VTCN1: variants seen among roughly 807,000 people sequenced by gnomAD.
VTCN1 encodes V-set domain-containing T-cell activation inhibitor 1.
In VTCN1, 26 loss-of-function variants were observed where a neutral mutation model predicts 26.5. The observed-to-expected ratio is 0.98, with a 90% CI of 0.72 to 1.36. The LOEUF (loss-of-function observed/expected upper bound fraction) is 1.36, where lower values mean the gene tolerates loss of function less well. VTCN1 is among the 40% of genes most tolerant of loss of function. The probability of loss-of-function intolerance (pLI) is 0.00; values close to 1 mark genes in which losing one functional copy is unlikely to be tolerated. For missense variants in VTCN1, 298 were observed against 337.7 expected (o/e 0.88, Z 0.92); for synonymous variants, 116 against 130.7 (o/e 0.89, Z 0.77).
chr1:117,196,887 AG>A (rs748240305), intron 1 of VTCN1, among the ~76,000 whole-genome samples: 2 of 152,208 alleles, frequency 1.3e-5, no homozygotes, highest in Non-Finnish European at 2.9e-5. Flanking sequence ...AGAGAGCTCA[AG>A]CCAGCAGCAC....
At position 117,183,191 on chromosome 1, in the gene VTCN1, T is replaced by C. The variant is rs1478618687; in HGVS notation, c.33-13020A>G. Among the ~76,000 whole-genome samples, 1 of 152,190 alleles carries C rather than the reference T, an allele frequency of 6.6e-6. No homozygotes were observed. The highest frequency in any genetic ancestry group is 2.4e-5 in the African/African-American group (1 of 41,448). Reference sequence around the variant, plus strand: ...ACACTCCATCCATTCTAAACCACTCTGGGTCCCTGACTACGCCAGGCTGCT... The same window carrying C: ...ACACTCCATCCATTCTAAACCACTCCGGGTCCCTGACTACGCCAGGCTGCT... On this transcript the variant is annotated intron_variant, in intron 1 of 5. Coordinates refer to ENST00000369458, the MANE Select transcript of VTCN1 (RefSeq NM_024626.4). The surrounding 1 kb of genome is among the most constrained non-coding windows in gnomAD (Gnocchi z 4.1).
Position 117,169,041 on chromosome 1 carries a change from G to T in VTCN1, c.97+1066C>A, listed in dbSNP as rs144418529. On this transcript the variant is annotated intron_variant, in intron 2 of 5. Coordinates refer to ENST00000369458, the MANE Select transcript of VTCN1 (RefSeq NM_024626.4). This position sits in a 1 kb window ranked among gnomAD's most constrained non-coding sequence, Gnocchi z 4.0. Reference sequence around the variant, plus strand: ...TACACTGGAGAAGCATGGCAGAAAGGCCACTGGAATATAGAAAATAAAGTT... The same window carrying T: ...TACACTGGAGAAGCATGGCAGAAAGTCCACTGGAATATAGAAAATAAAGTT... Among the ~76,000 whole-genome samples, 1 of 152,326 alleles carries T rather than the reference G, an allele frequency of 6.6e-6. No individual in the cohort carries two copies. Among genetic ancestry groups the T allele is most frequent in the East Asian group, 1.9e-4 (1 of 5,182 alleles).
In VTCN1 at chr1:117,194,073, G is replaced by A. The variant is rs187118443; in HGVS notation, c.32+16751C>T. On this transcript the variant is annotated intron_variant, in intron 1 of 5. Coordinates refer to ENST00000369458, the MANE Select transcript of VTCN1 (RefSeq NM_024626.4). The stretch of plus-strand genomic sequence containing the variant: ...CAGCGAAGAAAACAATCAACAAAAT[G>A]AACAGGCAACCTAAAGAATAGAAGA... Among the ~76,000 whole-genome samples, 575 of 152,184 alleles carry A rather than the reference G, an allele frequency of 3.8e-3. 1 individual carries two copies. The highest frequency in any genetic ancestry group is 6.9e-3 in the Non-Finnish European group (471 of 67,992).
At chr1:117,166,803 T>C (rs1652636381) in intron 2 of VTCN1, among the ~76,000 whole-genome samples, 1 of 151,554 alleles carries the variant, frequency 6.6e-6, no homozygotes, top group Non-Finnish European at 1.5e-5. Flanking sequence ...AAAGAATATA[T>C]ATGTAAATCA....
chr1:117,144,113 CT>C lies in VTCN1; in HGVS notation c.*1157del, dbSNP rs1001751017. 6.6e-6 allele frequency: 1 copy of C among 152,226 alleles called. No homozygotes were observed. Among genetic ancestry groups the C allele is most frequent in the African/African-American group, 2.4e-5 (1 of 41,448 alleles). The allele number at this position is 152,226 out of a possible 1,614,324, so 9.4% of individuals were successfully genotyped here. A position where few individuals can be genotyped will look rare whatever the true frequency, so the allele number is the denominator to read the frequency against. The stretch of plus-strand genomic sequence containing the variant: ...AGGCAGCAGCCAAAGAGACAGAATG[CT>C]TATTTGCCAATGACTAATGTGAGGA... On this transcript the variant is annotated 3_prime_UTR_variant, in exon 6 of 6. Transcript: ENST00000369458.
chr1:117,196,247 G>C (rs568479719), intron 1 of VTCN1, among the ~76,000 whole-genome samples: 24 of 152,118 alleles, frequency 1.6e-4, no homozygotes, highest in Non-Finnish European at 3.5e-4. Flanking sequence ...AGTGAATTAA[G>C]GTTCATCATT....
chr1:117,209,058 T>G (rs1649234154), intron 1 of VTCN1, among the ~76,000 whole-genome samples: 1 of 152,192 alleles, frequency 6.6e-6, no homozygotes, highest in African/African-American at 2.4e-5. Flanking sequence ...AGCTGCTCAT[T>G]GGCCCTCTTC....
At chr1:117,153,603 A>G (rs952199377) in intron 3 of VTCN1, among the ~76,000 whole-genome samples, 1 of 151,958 alleles carries the variant, frequency 6.6e-6, no homozygotes, top group African/African-American at 2.4e-5. Flanking sequence ...CCAATCACAA[A>G]CCCCAAGGAC....
At chr1:117,164,691 G>T (rs1433368608) in intron 2 of VTCN1, among the ~76,000 whole-genome samples, 1 of 152,202 alleles carries the variant, frequency 6.6e-6, no homozygotes, top group Non-Finnish European at 1.5e-5. Context: ...TAGTGTGAGC[G>T]CTGAGATTGG....
chr1:117,147,760 A>ACT lies in VTCN1; in HGVS notation c.745_746dup (p.Ser249ArgfsTer7). ...CCTTTGAGTTTAGCAGCTGTAGGTG[A>ACT]CTCCGCCTTTTGATCTCCGATTCTG... On this transcript the variant is annotated frameshift_variant, in exon 5 of 6. Coordinates refer to ENST00000369458, the MANE Select transcript of VTCN1 (RefSeq NM_024626.4). LOFTEE classifies it high-confidence loss of function. This position sits in a 1 kb window ranked among gnomAD's most constrained non-coding sequence, Gnocchi z 4.6. 6.2e-7 allele frequency: 1 copy of ACT among 1,613,590 alleles called. No homozygotes were observed. The highest frequency in any genetic ancestry group is 8.5e-7 in the Non-Finnish European group (1 of 1,179,842).
At chr1:117,209,339 A>G (rs2101615697) in intron 1 of VTCN1, among the ~76,000 whole-genome samples, 1 of 152,240 alleles carries the variant, frequency 6.6e-6, no homozygotes, top group Admixed American at 6.5e-5. Flanking sequence ...TTGTTGCAGG[A>G]GGAGTGTTTC....
At chr1:117,196,635 GGGC>G (rs1288214410) in intron 1 of VTCN1, among the ~76,000 whole-genome samples, 2 of 151,394 alleles carry the variant, frequency 1.3e-5, no homozygotes, top group Non-Finnish European at 2.9e-5. Flanking sequence ...TTTAGATGTT[GGGC>G]AAACAGGCAT....
chr1:117,187,253 G>A (rs1031406071), intron 1 of VTCN1, among the ~76,000 whole-genome samples: 1 of 136,522 alleles, frequency 7.3e-6, no homozygotes, highest in African/African-American at 2.7e-5. Context: ...AGAGGTTGCA[G>A]TGAGCTAGAT....
intron 1 of VTCN1, among the ~76,000 whole-genome samples, chr1:117,186,157 G>A (rs1647933189): frequency 6.6e-6 from 1 of 152,168 alleles, no homozygotes; most frequent in Non-Finnish European, 1.5e-5. Flanking sequence ...TTCAACAATG[G>A]TCATGAGAGC....
chr1:117,202,406 CCA>C (rs1222742952), intron 1 of VTCN1, among the ~76,000 whole-genome samples: 1 of 151,956 alleles, frequency 6.6e-6, no homozygotes, highest in East Asian at 1.9e-4. Flanking sequence ...GTCATGGAAA[CCA>C]AGAGAAGAAA....
intron 1 of VTCN1, among the ~76,000 whole-genome samples, chr1:117,186,719 C>A (rs1048573054): frequency 6.6e-6 from 1 of 152,164 alleles, no homozygotes; most frequent in African/African-American, 2.4e-5. Flanking sequence ...AAGCCATGGG[C>A]ACTGTAGGAA....
At chr1:117,191,361 A>C (rs778286908) in intron 1 of VTCN1, among the ~76,000 whole-genome samples, 2 of 152,216 alleles carry the variant, frequency 1.3e-5, no homozygotes, top group Non-Finnish European at 2.9e-5. Context: ...ATACTATTTA[A>C]AGATGTAATA....
chr1:117,163,643 G>T (rs114150267), intron 2 of VTCN1, among the ~76,000 whole-genome samples: 2 of 152,096 alleles, frequency 1.3e-5, no homozygotes, highest in Admixed American at 1.3e-4. Flanking sequence ...ATGGCTTGCC[G>T]AATGCCTTGG....
At chr1:117,154,079 T>G (rs1312104353) in intron 3 of VTCN1, among the ~76,000 whole-genome samples, 2 of 152,230 alleles carry the variant, frequency 1.3e-5, no homozygotes, top group Non-Finnish European at 2.9e-5. Flanking sequence ...ATTAATTTAT[T>G]TGGCGTCTTC....
Sources: gnomAD v4.1 joint callset for allele counts (sites outside exome capture counted in the v4.1 genomes callset) on GRCh38, gnomAD v4.1.1 for gene constraint, Gnocchi (gnomAD v3.1) non-coding constraint, MANE v1.5 for transcripts, NCBI Gene and HGNC (gene_info 2026-07-23, HGNC 2026-07-21) for gene names.